PPP1R42: variants seen among roughly 807,000 people sequenced by gnomAD.
PPP1R42 encodes the protein leucine rich repeat containing 67.
In PPP1R42, 34 loss-of-function variants were observed where a neutral mutation model predicts 31.0. The observed-to-expected ratio is 1.10, with a 90% CI of 0.83 to 1.46. The LOEUF is 1.46. PPP1R42 is among the 40% of genes most tolerant of loss of function. PPP1R42 has a pLI of 0.00. For synonymous variants in PPP1R42, 103 were observed against 109.8 expected (o/e 0.94, Z 0.39); for missense variants, 268 against 303.0 (o/e 0.88, Z 0.86).
At chr8:66,997,908 G>A (rs182908446) in intron 5 of PPP1R42, among the ~76,000 whole-genome samples, 8 of 152,134 alleles carry the variant, frequency 5.3e-5, no homozygotes, top group African/African-American at 1.4e-4. Flanking sequence ...GGGTTGATTT[G>A]TCAATTTCTA....
At chr8:66,980,947 A>AT (rs1220671557) in intron 7 of PPP1R42, among the ~76,000 whole-genome samples, 2 of 151,634 alleles carry the variant, frequency 1.3e-5, no homozygotes, top group African/African-American at 4.8e-5. Flanking sequence ...GGTTCAAGTG[A>AT]TTCTCCTGCC....
chr8:66,987,239 A>G (rs1815045843), intron 6 of PPP1R42, among the ~76,000 whole-genome samples: 1 of 151,790 alleles, frequency 6.6e-6, no homozygotes, highest in Admixed American at 6.6e-5. Flanking sequence ...AATGACTAGG[A>G]AACTATGCCT....
chr8:66,986,301 C>A, intron 6 of PPP1R42: 1 of 506,880 alleles, frequency 2.0e-6, no homozygotes. Flanking sequence ...TAGTTATCAA[C>A]GACTGTGAAA....
At chr8:66,985,360 G>T in intron 6 of PPP1R42, 1 of 762,658 alleles carries the variant, frequency 1.3e-6, no homozygotes. Context: ...GGTTCCCTCC[G>T]AAGAGGGAAC....
chr8:67,003,062 G>GTAATCCCA (rs1400207566), intron 5 of PPP1R42, among the ~76,000 whole-genome samples: 1 of 150,096 alleles, frequency 6.7e-6, no homozygotes, highest in Non-Finnish European at 1.5e-5. Flanking sequence ...CTACTAGGTG[G>GTAATCCCA]GGCTGAGGCA....
chr8:67,011,462 G>A (rs1815842078), intron 4 of PPP1R42, among the ~76,000 whole-genome samples: 1 of 152,208 alleles, frequency 6.6e-6, no homozygotes, highest in Non-Finnish European at 1.5e-5. Context: ...GGGAGGTGGA[G>A]GTTGCAGTGA....
intron 6 of PPP1R42, chr8:66,984,840 T>C (rs1317144693): frequency 1.6e-5 from 26 of 1,594,190 alleles, no homozygotes; most frequent in Non-Finnish European, 2.1e-5. Flanking sequence ...GCCTGACTTT[T>C]TCTAGTAGTT....
chr8:66,987,972 A>G (rs1319431680), intron 6 of PPP1R42, among the ~76,000 whole-genome samples: 2 of 152,314 alleles, frequency 1.3e-5, no homozygotes, highest in Middle Eastern at 3.4e-3. Context: ...ATCAAACGAA[A>G]GGGATTCCTG....
chr8:67,012,309 C>T (rs1370090325), intron 4 of PPP1R42, among the ~76,000 whole-genome samples: 1 of 151,992 alleles, frequency 6.6e-6, no homozygotes, highest in Non-Finnish European at 1.5e-5. Context: ...TGTGTCCTGC[C>T]CCAGAATTAA....
At position 66,964,219 on chromosome 8, in the gene PPP1R42, G is replaced by T; in HGVS notation, c.*102C>A. The stretch of plus-strand genomic sequence containing the variant: ...CAAACGTTTCCTGTCACTTGAGGCT[G>T]AATTTACTCATTTTCCACAAACAAA... On this transcript the variant is annotated 3_prime_UTR_variant, in exon 8 of 8. Transcript: ENST00000685739. 1 of 779,020 alleles carries T rather than the reference G, an allele frequency of 1.3e-6. No homozygotes were observed. Among genetic ancestry groups the T allele is most frequent in the Non-Finnish European group, 1.9e-6 (1 of 523,234 alleles). The allele number at this position is 779,020 out of a possible 1,614,324, so 48.3% of individuals were successfully genotyped here.
At chr8:66,977,472 G>C (rs1356808186) in intron 7 of PPP1R42, among the ~76,000 whole-genome samples, 1 of 151,804 alleles carries the variant, frequency 6.6e-6, no homozygotes, top group Non-Finnish European at 1.5e-5. Context: ...TGAGTAGCTG[G>C]GACTACAGGT....
At chr8:66,966,616 T>G (rs905668515) in intron 7 of PPP1R42, among the ~76,000 whole-genome samples, 2 of 151,862 alleles carry the variant, frequency 1.3e-5, no homozygotes, top group African/African-American at 4.8e-5. Context: ...AAATCCCATC[T>G]CTACTAAAAA....
At chr8:66,995,803 T>C (rs1324115807) in intron 5 of PPP1R42, among the ~76,000 whole-genome samples, 2 of 152,212 alleles carry the variant, frequency 1.3e-5, no homozygotes, top group African/African-American at 4.8e-5. Flanking sequence ...TTAAAGAGTA[T>C]GTCAGGGCTT....
chr8:66,990,515 G>T (rs2130934568), intron 5 of PPP1R42, among the ~76,000 whole-genome samples: 1 of 152,302 alleles, frequency 6.6e-6, no homozygotes, highest in South Asian at 2.1e-4. Context: ...AAAGGAAGCA[G>T]ACACTTTTCT....
At chr8:67,000,991 G>A (rs1310650767) in intron 5 of PPP1R42, among the ~76,000 whole-genome samples, 7 of 152,082 alleles carry the variant, frequency 4.6e-5, no homozygotes, top group Non-Finnish European at 8.8e-5. Context: ...ATTGCTAGGA[G>A]CATAACTTTG....
intron 5 of PPP1R42, among the ~76,000 whole-genome samples, chr8:67,005,829 G>A (rs1473578938): frequency 1.3e-5 from 2 of 151,414 alleles, no homozygotes; most frequent in Non-Finnish European, 2.9e-5. Flanking sequence ...TCTTCATATA[G>A]CAATAGAGAA....
At chr8:67,009,895 A>G (rs964973886) in intron 5 of PPP1R42, among the ~76,000 whole-genome samples, 31 of 152,340 alleles carry the variant, frequency 2.0e-4, no homozygotes, top group African/African-American at 7.5e-4. Context: ...TCTGAAAACA[A>G]AAGCTGTTTT....
intron 6 of PPP1R42, chr8:66,984,203 A>T (rs1400211730): frequency 6.4e-7 from 1 of 1,559,146 alleles, no homozygotes. Context: ...TGCTTTCTGA[A>T]ATGCTCATGA....
intron 1 of PPP1R42, among the ~76,000 whole-genome samples, chr8:67,025,452 T>G (rs1042594741): frequency 2.6e-5 from 4 of 152,054 alleles, no homozygotes; most frequent in Non-Finnish European, 4.4e-5. Context: ...TTTCTAACTT[T>G]GGCTAAAACA....
Sources: gnomAD v4.1 joint callset for allele counts (sites outside exome capture counted in the v4.1 genomes callset) on GRCh38, gnomAD v4.1.1 for gene constraint, MANE v1.5 for transcripts, NCBI Gene and HGNC (gene_info 2026-07-23, HGNC 2026-07-21) for gene names.